The following POU5F1 variants were observed in gnomAD, a reference collection of about 807,000 sequenced individuals.
POU5F1 encodes POU domain, class 5, transcription factor 1.
Under a neutral mutation model 38.3 loss-of-function variants are expected in POU5F1, and 6 were observed. That is an observed-to-expected ratio of 0.16 (90% CI 0.09 to 0.31). POU5F1 has a LOEUF of 0.31. Among genes scored for constraint, POU5F1 ranks in the 10% least tolerant of loss-of-function variants. The pLI is 1.00. For synonymous variants in POU5F1, 147 were observed against 194.9 expected, an observed-to-expected ratio of 0.75 and a Z score of 2.05; for missense variants, 286 against 462.6, an observed-to-expected ratio of 0.62 and a Z score of 3.50.
chr6:31,169,736 A>T (rs1163992509), intron 1 of POU5F1, among the ~76,000 whole-genome samples: 1 of 152,184 alleles, frequency 6.6e-6, no homozygotes, highest in Non-Finnish European at 1.5e-5. Context: ...TAATCCTGGA[A>T]TGAGCACTGT....
At position 31,170,357 on chromosome 6, in the gene POU5F1, G is replaced by T. The variant is rs201790772; in HGVS notation, c.264C>A (p.Gly88=). 3 of 1,612,674 alleles carry T rather than the reference G, an allele frequency of 1.9e-6. No individual in the cohort carries two copies. The highest frequency in any genetic ancestry group is 2.2e-5 in the South Asian group (2 of 91,066). The part of the protein sequence containing the change: ...PQVGVGLVPQ[G]GLETSQPEGE... ...CCTCAGGCTGAGAGGTCTCCAAGCC[G>T]CCTTGGGGCACTAGCCCCACTCCAA... The change falls in exon 1 of 5, where the codon GGC becomes GGA. Residue 88 remains glycine, a synonymous_variant. Transcript: ENST00000259915.
At chr6:31,168,856 G>A (rs1289127613) in intron 1 of POU5F1, among the ~76,000 whole-genome samples, 1 of 152,212 alleles carries the variant, frequency 6.6e-6, no homozygotes, top group Admixed American at 6.5e-5. Flanking sequence ...TTGAAGGACT[G>A]AGCCCTGGGG....
intron 1 of POU5F1, chr6:31,166,710 A>C: frequency 8.5e-7 from 1 of 1,171,892 alleles, no homozygotes; most frequent in Non-Finnish European, 1.1e-6. Context: ...AAATTCTCTC[A>C]CTCAAGTATC....
rs749367658 is a variant in POU5F1 at position 31,170,554 on chromosome 6, C to G, written c.67G>C (p.Gly23Arg). 11 of 1,570,548 alleles carry G rather than the reference C, an allele frequency of 7.0e-6. No homozygotes were observed. The highest frequency in any genetic ancestry group is 9.5e-6 in the Non-Finnish European group (11 of 1,158,596). Residue 23 changes from glycine (G) to arginine (R), a missense_variant, in exon 1 of 5, where the codon GGG becomes CGG. Coordinates refer to ENST00000259915, the MANE Select transcript of POU5F1 (RefSeq NM_002701.6). ...PPPGGGGDGP[G>R]GPEPGWVDPR... ...TCAACCCAGCCCGGCTCCGGCCCCC[C>G]TGGCCCATCACCTCCACCACCTGGA...
Position 31,170,382 on chromosome 6 carries a change from A to C in POU5F1, c.239T>G (p.Val80Gly), listed in dbSNP as rs767358536. Residue 80 changes from valine (V) to glycine (G), a missense_variant, in exon 1 of 5, where the codon GTT becomes GGT. Val to Gly is a moderately radical substitution (Grantham distance 109, BLOSUM62 -3). This residue lies in a region of POU5F1 where 176 missense variants were observed against 184.8 expected (regional missense o/e 0.95). Transcript: ENST00000259915. Reference protein sequence around the residue: ...CGGMAYCGPQVGVGLVPQGGL... With the variant: ...CGGMAYCGPQGGVGLVPQGGL... ...GCCTTGGGGCACTAGCCCCACTCCAACCTGGGGCCCACAGTACGCCATCCC... is the reference window on the plus strand; with the variant it reads ...GCCTTGGGGCACTAGCCCCACTCCACCCTGGGGCCCACAGTACGCCATCCC... 1.9e-6 allele frequency: 3 copies of C among 1,612,524 alleles called. No homozygotes were observed. The highest frequency in any genetic ancestry group is 2.5e-6 in the Non-Finnish European group (3 of 1,179,804).
rs1173179655 is a variant in POU5F1, at chr6:31,170,522, C to T, written c.99G>A (p.Arg33=). The T allele has an allele frequency of 6.3e-7, 1 of 1,588,278 alleles. No individual in the cohort carries two copies. Among genetic ancestry groups the T allele is most frequent in the South Asian group, 1.1e-5 (1 of 87,844 alleles). ...GAGGGCCTTGGAAGCTTAGCCAGGT[C>T]CGAGGATCAACCCAGCCCGGCTCCG... ...GGPEPGWVDP[R]TWLSFQGPPG... Residue 33 remains arginine (R), a synonymous_variant, in exon 1 of 5, where the codon CGG becomes CGA. Coordinates refer to ENST00000259915, the MANE Select transcript of POU5F1 (RefSeq NM_002701.6).
At chr6:31,166,787 A>C (rs1777294937) in intron 1 of POU5F1, 2 of 1,181,566 alleles carry the variant, frequency 1.7e-6, no homozygotes, top group East Asian at 8.4e-5. Flanking sequence ...GGTTAATTAA[A>C]AAGGAAGAGC....
At chr6:31,167,645 T>C (rs1184527738) in intron 1 of POU5F1, among the ~76,000 whole-genome samples, 1 of 151,568 alleles carries the variant, frequency 6.6e-6, no homozygotes, top group Non-Finnish European at 1.5e-5. Context: ...GAGGTGGAGT[T>C]TGCAGTGAGC....
At chr6:31,167,874 G>A (rs1384014527) in intron 1 of POU5F1, among the ~76,000 whole-genome samples, 1 of 152,188 alleles carries the variant, frequency 6.6e-6, no homozygotes, top group Non-Finnish European at 1.5e-5. Context: ...CCCAAAGCTG[G>A]TCTGGTGGCT....
chr6:31,165,662 G>A lies in POU5F1; in HGVS notation c.566C>T (p.Ala189Val). ...CATGTTCTTGAAGCTAAGCTGCAGAGCCTCAAAGCGGCAGATGGTCGTTTG... is the reference window on the plus strand; with the variant it reads ...CATGTTCTTGAAGCTAAGCTGCAGAACCTCAAAGCGGCAGATGGTCGTTTG... The part of the protein sequence containing the change: ...FSQTTICRFE[A>V]LQLSFKNMCK... The change falls in exon 3 of 5, where the codon GCT becomes GTT. Residue 189 changes from alanine to valine, a missense_variant. Transcript: ENST00000259915. This position sits in a 1 kb window ranked among gnomAD's most constrained non-coding sequence, Gnocchi z 6.5. 1 of 1,613,806 alleles carries A rather than the reference G, an allele frequency of 6.2e-7. No individual in the cohort carries two copies. Among genetic ancestry groups the A allele is most frequent in the Non-Finnish European group, 8.5e-7 (1 of 1,179,886 alleles).
At chr6:31,169,880 T>C (rs918425484) in intron 1 of POU5F1, 4 of 451,506 alleles carry the variant, frequency 8.9e-6, no homozygotes, top group Non-Finnish European at 1.6e-5. Flanking sequence ...GGGCCAGTAA[T>C]GAGTGACCAG....
intron 1 of POU5F1, among the ~76,000 whole-genome samples, chr6:31,169,542 T>C (rs747974992): frequency 2.6e-5 from 4 of 152,134 alleles, no homozygotes; most frequent in Non-Finnish European, 5.9e-5. Flanking sequence ...AAAATCCAGC[T>C]TTCTACAAGG....
At chr6:31,170,089 G>A (rs1171792875) in intron 1 of POU5F1, 127 bp downstream of exon 1, 1 of 1,490,716 alleles carries the variant, frequency 6.7e-7, no homozygotes, top group African/African-American at 1.4e-5. Context: ...TCCCTGGCCA[G>A]GGCAGCTGAC....
rs768029325 is a variant in POU5F1 at position 31,165,627 on chromosome 6, G to A, written c.601C>T (p.Arg201Trp). 4.6e-5 allele frequency: 75 copies of A among 1,613,942 alleles called. No homozygotes were observed. The highest frequency in any genetic ancestry group is 6.7e-5 in the African/African-American group (5 of 74,930). The change falls in exon 3 of 5, where the codon CGG becomes TGG. Residue 201 changes from arginine to tryptophan, a missense_variant. Around this residue, in one of 2 missense-constraint regions of POU5F1, gnomAD observed 110 missense variants for 277.8 expected, o/e 0.40. Transcript: ENST00000259915. The surrounding 1 kb of genome is among the most constrained non-coding windows in gnomAD (Gnocchi z 6.5). ...QLSFKNMCKL[R>W]PLLQKWVEEA... ...TCCACCCACTTCTGCAGCAAGGGCC[G>A]CAGCTTACACATGTTCTTGAAGCTA... is the stretch of plus-strand genomic sequence containing the variant.
At chr6:31,167,867 A>G (rs1322530038) in intron 1 of POU5F1, among the ~76,000 whole-genome samples, 1 of 152,220 alleles carries the variant, frequency 6.6e-6, no homozygotes, top group Non-Finnish European at 1.5e-5. Context: ...TCCAGAGCCC[A>G]AAGCTGGTCT....
In POU5F1 at chr6:31,170,394, C is replaced by A. The variant is rs766174312; in HGVS notation, c.227G>T (p.Cys76Phe). 6.2e-7 allele frequency: 1 copy of A among 1,612,682 alleles called. No individual in the cohort carries two copies. Among genetic ancestry groups the A allele is most frequent in the Non-Finnish European group, 8.5e-7 (1 of 1,179,848 alleles). The change falls in exon 1 of 5, where the codon TGT becomes TTT. Residue 76 changes from cysteine (C) to phenylalanine (F), a missense_variant. Coordinates refer to ENST00000259915, the MANE Select transcript of POU5F1 (RefSeq NM_002701.6). Reference protein sequence around the residue: ...PYEFCGGMAYCGPQVGVGLVP... With the variant: ...PYEFCGGMAYFGPQVGVGLVP... ...TAGCCCCACTCCAACCTGGGGCCCA[C>A]AGTACGCCATCCCCCCACAGAACTC... is the stretch of plus-strand genomic sequence containing the variant.
chr6:31,166,851 G>T (rs1280756512), intron 1 of POU5F1: 3 of 1,248,192 alleles, frequency 2.4e-6, no homozygotes, highest in African/African-American at 3.1e-5. Flanking sequence ...TGCTTTGAGG[G>T]TCCCACAAAC....
intron 1 of POU5F1, among the ~76,000 whole-genome samples, chr6:31,169,095 A>T (rs1777487458): frequency 6.6e-6 from 1 of 152,216 alleles, no homozygotes; most frequent in Non-Finnish European, 1.5e-5. Flanking sequence ...TGGAATAAAC[A>T]CTGGTCCAAA....
In POU5F1 at chr6:31,164,372, A is replaced by C; in HGVS notation, c.*229T>G. The C allele has an allele frequency of 8.7e-7, 1 of 1,149,786 alleles. No homozygotes were observed. The highest frequency in any genetic ancestry group is 1.2e-6 in the Non-Finnish European group (1 of 828,338). 71.2% of individuals were successfully genotyped at this position (1,149,786 alleles called of 1,614,324 possible). ...TATCTACTGTGTCCCAGGCTTCTTT[A>C]TTTAAGAAAAAAGTGATACATGATG... On this transcript the variant is annotated 3_prime_UTR_variant, in exon 5 of 5. Coordinates refer to ENST00000259915, the MANE Select transcript of POU5F1 (RefSeq NM_002701.6).
Sources: gnomAD v4.1 joint callset for allele counts (sites outside exome capture counted in the v4.1 genomes callset) on GRCh38, gnomAD v4.1.1 for gene constraint, gnomAD v4.1.1 regional missense constraint, Gnocchi (gnomAD v3.1) non-coding constraint, MANE v1.5 for transcripts, NCBI Gene and HGNC (gene_info 2026-07-23, HGNC 2026-07-21) for gene names.